Variants in HS6ST3 observed in about 807,000 individuals in gnomAD.
The protein encoded by HS6ST3 is heparan sulfate 6-O-sulfotransferase 3.
Under a neutral mutation model 36.7 loss-of-function variants are expected in HS6ST3, and 12 were observed. That is an observed-to-expected ratio of 0.33 (90% confidence interval 0.21 to 0.53). The LOEUF (loss-of-function observed/expected upper bound fraction) is 0.53. HS6ST3 is among the 20% of genes least tolerant of loss of function. The pLI is 0.95. For synonymous variants in HS6ST3, 240 were observed against 257.5 expected, an observed-to-expected ratio of 0.93 and a Z score of 0.65; for missense variants, 584 against 640.9, an observed-to-expected ratio of 0.91 and a Z score of 0.96.
intron 1 of HS6ST3, among the ~76,000 whole-genome samples, chr13:96,265,393 T>C (rs999366809): frequency 6.6e-6 from 1 of 152,190 alleles, no homozygotes; most frequent in East Asian, 1.9e-4. Flanking sequence ...TTTCCCATGC[T>C]GGTCTCAAAC....
intron 1 of HS6ST3, among the ~76,000 whole-genome samples, chr13:96,213,772 T>C (rs1189363312): frequency 6.6e-6 from 1 of 152,226 alleles, no homozygotes; most frequent in African/African-American, 2.4e-5. Context: ...GAAGAATGCA[T>C]TAACTTTGCA....
intron 1 of HS6ST3, among the ~76,000 whole-genome samples, chr13:96,631,808 C>A (rs890493488): frequency 6.6e-6 from 1 of 152,118 alleles, no homozygotes; most frequent in Non-Finnish European, 1.5e-5. Flanking sequence ...TTTTCAGTAA[C>A]GAGAGGTCAT....
chr13:96,471,033 G>C (rs1337250400), intron 1 of HS6ST3, among the ~76,000 whole-genome samples: 1 of 152,192 alleles, frequency 6.6e-6, no homozygotes. Flanking sequence ...CCTAGCCCAT[G>C]TATGACACAA....
chr13:96,492,952 T>C lies in HS6ST3; in HGVS notation c.708-339538T>C, dbSNP rs149209720. ...AAATCATGCTCTCTGCTCCGACAGA[T>C]GCCGCTAATTCACATCTTCACACTG... On this transcript the variant is annotated intron_variant, in intron 1 of 1. Transcript: ENST00000376705. 3.3e-5 allele frequency among the ~76,000 whole-genome samples: 5 copies of C among 152,320 alleles called. No individual in the cohort carries two copies. In the East Asian group the frequency reaches 7.7e-4, roughly 24 times the overall value.
intron 1 of HS6ST3, among the ~76,000 whole-genome samples, chr13:96,617,970 A>G (rs1490981996): frequency 6.6e-6 from 1 of 152,212 alleles, no homozygotes; most frequent in Non-Finnish European, 1.5e-5. Flanking sequence ...CACAACTCAA[A>G]TCTCAATTAA....
At chr13:96,572,729 C>T (rs2056305289) in intron 1 of HS6ST3, among the ~76,000 whole-genome samples, 1 of 152,052 alleles carries the variant, frequency 6.6e-6, no homozygotes, top group Admixed American at 6.6e-5. Flanking sequence ...AACTCTAAAG[C>T]CTAAACTGTT....
intron 1 of HS6ST3, among the ~76,000 whole-genome samples, chr13:96,508,970 G>A (rs760941202): frequency 2.0e-5 from 3 of 152,060 alleles, no homozygotes; most frequent in Non-Finnish European, 4.4e-5. Context: ...ATTCCTACCA[G>A]TAGAATATAT....
intron 1 of HS6ST3, among the ~76,000 whole-genome samples, chr13:96,813,869 T>G (rs1878369556): frequency 6.6e-6 from 1 of 152,226 alleles, no homozygotes; most frequent in African/African-American, 2.4e-5. Flanking sequence ...CTCTTACATT[T>G]CTAGTCCTTA....
chr13:96,738,381 G>T (rs1204780902), intron 1 of HS6ST3, among the ~76,000 whole-genome samples: 1 of 151,292 alleles, frequency 6.6e-6, no homozygotes, highest in African/African-American at 2.4e-5. Context: ...CATTCTTTGA[G>T]CTGGTTAAAG....
At chr13:96,375,516 C>T (rs975807326) in intron 1 of HS6ST3, among the ~76,000 whole-genome samples, 2 of 152,190 alleles carry the variant, frequency 1.3e-5, no homozygotes, top group African/African-American at 2.4e-5. Flanking sequence ...AATTGCTCTT[C>T]TATAAAGCAC....
intron 1 of HS6ST3, among the ~76,000 whole-genome samples, chr13:96,547,239 G>A (rs994963391): frequency 6.6e-6 from 1 of 152,210 alleles, no homozygotes; most frequent in African/African-American, 2.4e-5. Flanking sequence ...CAGGGCATGT[G>A]TGCAAGTTAA....
intron 1 of HS6ST3, among the ~76,000 whole-genome samples, chr13:96,315,166 T>TA (rs1261114169): frequency 3.3e-5 from 5 of 152,184 alleles, no homozygotes; most frequent in African/African-American, 1.2e-4. Context: ...CTACACCCAG[T>TA]GTCTGCACAA....
At chr13:96,649,474 A>G (rs1479935920) in intron 1 of HS6ST3, among the ~76,000 whole-genome samples, 1 of 152,122 alleles carries the variant, frequency 6.6e-6, no homozygotes, top group Non-Finnish European at 1.5e-5. Flanking sequence ...GGACACAGCC[A>G]GACCATATCA....
intron 1 of HS6ST3, among the ~76,000 whole-genome samples, chr13:96,710,843 C>T (rs979774366): frequency 6.6e-6 from 1 of 152,212 alleles, no homozygotes; most frequent in South Asian, 2.1e-4. Context: ...GGAGATCCAT[C>T]TACCTCTGCC....
intron 1 of HS6ST3, among the ~76,000 whole-genome samples, chr13:96,492,261 A>G (rs2055950020): frequency 6.6e-6 from 1 of 151,998 alleles, no homozygotes; most frequent in Non-Finnish European, 1.5e-5. Context: ...AGACAGTGAC[A>G]CTCTTTCTAC....
At chr13:96,626,639 A>G (rs1243127508) in intron 1 of HS6ST3, among the ~76,000 whole-genome samples, 1 of 152,138 alleles carries the variant, frequency 6.6e-6, no homozygotes, top group Non-Finnish European at 1.5e-5. Flanking sequence ...ATTTGTCTGT[A>G]GAAAAATTTG....
chr13:96,507,153 TC>T (rs2056029811), intron 1 of HS6ST3, among the ~76,000 whole-genome samples: 1 of 152,154 alleles, frequency 6.6e-6, no homozygotes. Flanking sequence ...TTCATTTAAC[TC>T]AAATAACTAC....
chr13:96,762,146 C>T (rs1307479927), intron 1 of HS6ST3, among the ~76,000 whole-genome samples: 2 of 151,974 alleles, frequency 1.3e-5, no homozygotes, highest in African/African-American at 2.4e-5. Flanking sequence ...TATTTAGATA[C>T]CTACCATCAA....
At chr13:96,251,743 A>G (rs976730599) in intron 1 of HS6ST3, among the ~76,000 whole-genome samples, 3 of 151,726 alleles carry the variant, frequency 2.0e-5, no homozygotes, top group African/African-American at 7.3e-5. Context: ...AAGTTTTGGT[A>G]TGTTTTATTT....
Sources: gnomAD v4.1 joint callset for allele counts (sites outside exome capture counted in the v4.1 genomes callset) on GRCh38, gnomAD v4.1.1 for gene constraint, MANE v1.5 for transcripts, NCBI Gene and HGNC (gene_info 2026-07-23, HGNC 2026-07-21) for gene names.